PIP5K1C: variants seen among roughly 807,000 people sequenced by gnomAD.
PIP5K1C encodes phosphatidylinositol-4-phosphate 5-kinase type 1 gamma, also known as phosphatidylinositol 4-phosphate 5-kinase type-1 gamma.
PIP5K1C carries 45 observed loss-of-function variants against 80.1 expected under a neutral mutation model. The ratio of observed to expected loss-of-function variants is 0.56; its 90% CI spans 0.44 to 0.72. The LOEUF (loss-of-function observed/expected upper bound fraction) is 0.72. Ranked by LOEUF, PIP5K1C falls within the 30% of genes least tolerant of loss-of-function variation. PIP5K1C has a pLI of 0.00. For synonymous variants in PIP5K1C, 498 were observed against 420.1 expected (o/e 1.19, Z -2.27); for missense variants, 753 against 954.6 (o/e 0.79, Z 2.78).
At chr19:3,678,528 ATG>A (rs2035478632) in intron 1 of PIP5K1C, among the ~76,000 whole-genome samples, 1 of 75,682 alleles carries the variant, frequency 1.3e-5, no homozygotes, top group African/African-American at 5.4e-5. Flanking sequence ...GGAGGGAGGG[ATG>A]GATGGAGGGA....
At chr19:3,689,575 G>C (rs1355672278) in intron 1 of PIP5K1C, among the ~76,000 whole-genome samples, 2 of 152,188 alleles carry the variant, frequency 1.3e-5, no homozygotes, top group African/African-American at 4.8e-5. Context: ...CTTGAAACCG[G>C]AAGACAGAGG....
rs192832443 is a variant in PIP5K1C, at chr19:3,647,749, C to G, written c.1212-363G>C. On this transcript the variant is annotated intron_variant, in intron 9 of 17. Coordinates refer to ENST00000335312, the MANE Select transcript of PIP5K1C (RefSeq NM_012398.3). Reference sequence around the variant, plus strand: ...ATCACCTGAGATCAGGAGTTCAAGACCAGCCTGGCCAACATGGTGAAACCC... The same window carrying G: ...ATCACCTGAGATCAGGAGTTCAAGAGCAGCCTGGCCAACATGGTGAAACCC... Among the ~76,000 whole-genome samples, 362 of 152,286 alleles carry G rather than the reference C, an allele frequency of 2.4e-3. 4 individuals are homozygous for G. The highest frequency in any genetic ancestry group is 8.3e-3 in the African/African-American group (347 of 41,560).
intron 1 of PIP5K1C, chr19:3,668,463 C>T (rs1222593170): frequency 6.6e-6 from 1 of 152,286 alleles, no homozygotes; most frequent in Admixed American, 6.6e-5. Flanking sequence ...AGGAAGGGAC[C>T]TGAGCCGACA....
At chr19:3,645,218 C>T (rs2034162226) in intron 11 of PIP5K1C, among the ~76,000 whole-genome samples, 1 of 152,180 alleles carries the variant, frequency 6.6e-6, no homozygotes, top group Middle Eastern at 3.2e-3. Context: ...TCATTCATGC[C>T]CCCCACCAGA....
rs766607961 is a variant in PIP5K1C at position 3,651,840 on chromosome 19, G to C, written c.1113C>G (p.Ile371Met). Residue 371 changes from isoleucine (I) to methionine (M), a missense_variant, in exon 8 of 18, where the codon ATC becomes ATG. Physicochemically the swap from Ile to Met is conservative, Grantham distance 10 (BLOSUM62 1). Transcript: ENST00000335312. ...IQGGAARGEA[I>M]ESDDTMGGIP... Reference sequence around the variant, plus strand: ...CGCCCACCTACGTGTCATCCGATTCGATGGCCTCCCCGCGCGCGGCGCCAC... The same window carrying C: ...CGCCCACCTACGTGTCATCCGATTCCATGGCCTCCCCGCGCGCGGCGCCAC... The C allele has an allele frequency of 6.2e-7, 1 of 1,611,840 alleles. No homozygotes were observed. The highest frequency in any genetic ancestry group is 1.3e-5 in the African/African-American group (1 of 75,042).
intron 1 of PIP5K1C, among the ~76,000 whole-genome samples, chr19:3,681,495 G>T (rs868806400): frequency 5.9e-5 from 9 of 152,178 alleles, no homozygotes; most frequent in Admixed American, 2.6e-4. Context: ...GCCTCCCAAA[G>T]TGCTGGGATT....
chr19:3,656,593 C>G (rs748748239), intron 5 of PIP5K1C, 36 bp from the exon 6 acceptor site: 2 of 1,611,594 alleles, frequency 1.2e-6, no homozygotes, highest in Non-Finnish European at 1.7e-6. Context: ...GGGCCCCAAG[C>G]TGCCGGACAC....
At chr19:3,639,452 G>T (rs1009515673) in intron 15 of PIP5K1C, among the ~76,000 whole-genome samples, 17 of 152,160 alleles carry the variant, frequency 1.1e-4, no homozygotes, top group African/African-American at 4.1e-4. Context: ...TGTTTTTTCA[G>T]ACAGGCCCTG....
rs146585229 is a variant in PIP5K1C, at chr19:3,667,260, G to C, written c.126+62C>G. On this transcript the variant is annotated intron_variant, in intron 2 of 17. Coordinates refer to ENST00000335312, the MANE Select transcript of PIP5K1C (RefSeq NM_012398.3). ...GCCCCAGGCCACACAGCTTCTCCGC[G>C]AGTAGGGAGGCAGCAGGTCAGGGTG... is the stretch of plus-strand genomic sequence containing the variant. 9.1e-5 allele frequency: 133 copies of C among 1,460,888 alleles called. 1 individual carries two copies. The highest frequency in any genetic ancestry group is 1.2e-4 in the Non-Finnish European group (124 of 1,050,154). 90.5% of individuals were successfully genotyped at this position (1,460,888 alleles called of 1,614,324 possible). A position where few individuals can be genotyped will look rare whatever the true frequency, so the allele number is the denominator to read the frequency against.
At chr19:3,697,421 C>T (rs560423841) in intron 1 of PIP5K1C, among the ~76,000 whole-genome samples, 183 of 148,208 alleles carry the variant, frequency 1.2e-3, no homozygotes, top group African/African-American at 4.4e-3. Flanking sequence ...CTCAGCCAGA[C>T]GGAGGAGGAC....
chr19:3,676,261 T>C (rs2035356058), intron 1 of PIP5K1C, among the ~76,000 whole-genome samples: 3 of 152,146 alleles, frequency 2.0e-5, no homozygotes, highest in Non-Finnish European at 4.4e-5. Context: ...ATGAGAGATG[T>C]GAACTCAGGT....
chr19:3,683,813 C>G (rs530366990), intron 1 of PIP5K1C, among the ~76,000 whole-genome samples: 1 of 152,148 alleles, frequency 6.6e-6, no homozygotes, highest in African/African-American at 2.4e-5. Context: ...GGGATCAGCC[C>G]GGGCACAGCA....
At chr19:3,650,083 C>G (rs2034380074) in intron 8 of PIP5K1C, 1 of 159,028 alleles carries the variant, frequency 6.3e-6, no homozygotes, top group Admixed American at 6.5e-5. Flanking sequence ...CCGCACCCCC[C>G]CGCAGCTACA....
chr19:3,650,459 T>C (rs1470970504), intron 8 of PIP5K1C, among the ~76,000 whole-genome samples: 1 of 152,260 alleles, frequency 6.6e-6, no homozygotes, highest in Non-Finnish European at 1.5e-5. Flanking sequence ...TCCGGGGCCA[T>C]GTCTGGGGAC....
At chr19:3,662,602 G>A (rs1236821448) in intron 3 of PIP5K1C, among the ~76,000 whole-genome samples, 1 of 151,962 alleles carries the variant, frequency 6.6e-6, no homozygotes, top group East Asian at 1.9e-4. Flanking sequence ...GTCTTGCTCT[G>A]TCGCCCAGGC....
intron 1 of PIP5K1C, among the ~76,000 whole-genome samples, chr19:3,678,440 A>C: frequency 1.0e-5 from 1 of 98,004 alleles, no homozygotes; most frequent in Non-Finnish European, 2.1e-5. Flanking sequence ...TGGAGGATGG[A>C]GAGATGGAGG....
intron 16 of PIP5K1C, among the ~76,000 whole-genome samples, chr19:3,635,067 C>T (rs2033624633): frequency 6.6e-6 from 1 of 152,232 alleles, no homozygotes; most frequent in Admixed American, 6.5e-5. Flanking sequence ...GGTGGCTGCA[C>T]TGATGGATCC....
intron 16 of PIP5K1C, chr19:3,636,610 C>T (rs1175953227): frequency 1.1e-5 from 11 of 985,510 alleles, no homozygotes; most frequent in Middle Eastern, 5.2e-4. Flanking sequence ...CTCCGGGGCA[C>T]GGCTTCGCGG....
At position 3,688,472 on chromosome 19, in the gene PIP5K1C, G is replaced by A. The variant is rs2035841242; in HGVS notation, c.94+11825C>T. On this transcript the variant is annotated intron_variant, in intron 1 of 17. Coordinates refer to ENST00000335312, the MANE Select transcript of PIP5K1C (RefSeq NM_012398.3). This position sits in a 1 kb window ranked among gnomAD's most constrained non-coding sequence, Gnocchi z 5.3. ...AGGGCAGCACCCCCAGGACTCTGGG[G>A]CACACACGTCCCCAGGCAGCTCCGG... 6.6e-6 allele frequency among the ~76,000 whole-genome samples: 1 copy of A among 152,122 alleles called. No homozygotes were observed. Among genetic ancestry groups the A allele is most frequent in the South Asian group, 2.1e-4 (1 of 4,830 alleles).
Sources: gnomAD v4.1 joint callset for allele counts (sites outside exome capture counted in the v4.1 genomes callset) on GRCh38, gnomAD v4.1.1 for gene constraint, Gnocchi (gnomAD v3.1) non-coding constraint, MANE v1.5 for transcripts, NCBI Gene and HGNC (gene_info 2026-07-23, HGNC 2026-07-21) for gene names.